Variants in C10orf67 observed in about 807,000 individuals in gnomAD.
C10orf67 encodes uncharacterized protein C10orf67, mitochondrial.
In C10orf67, 60 loss-of-function variants were observed where a neutral mutation model predicts 35.6. The ratio of observed to expected loss-of-function variants is 1.68; its 90% CI spans 1.37 to 2.09. The LOEUF (loss-of-function observed/expected upper bound fraction) is 2.09. Among genes scored for constraint, C10orf67 ranks in the 30% most tolerant of loss-of-function variants. C10orf67 has a pLI of 0.00. For synonymous variants in C10orf67, 167 were observed against 115.8 expected (o/e 1.44, Z -2.84); for missense variants, 474 against 330.2 (o/e 1.44, Z -3.38).
chr10:23,262,329 T>G (rs953424069), intron 10 of C10orf67, among the ~76,000 whole-genome samples: 2 of 120,778 alleles, frequency 1.7e-5, no homozygotes, highest in African/African-American at 6.4e-5. Flanking sequence ...CCCCAGCAAA[T>G]GGAATCAAGC....
chr10:23,266,087 A>G (rs4074209), intron 10 of C10orf67, among the ~76,000 whole-genome samples, 175 bp downstream of exon 10: 7,979 of 152,268 alleles, frequency 0.052, 299 homozygotes, highest in Non-Finnish European at 0.083. Context: ...CATCTTGGAA[A>G]AGTAAAGGAG....
chr10:23,339,182 C>T (rs1430444115), intron 1 of C10orf67, among the ~76,000 whole-genome samples: 1 of 152,104 alleles, frequency 6.6e-6, no homozygotes, highest in Non-Finnish European at 1.5e-5. Context: ...TTAGATGACA[C>T]TGATGACTGG....
At chr10:23,275,562 C>A (rs1198579246) in intron 8 of C10orf67, among the ~76,000 whole-genome samples, 1 of 151,580 alleles carries the variant, frequency 6.6e-6, no homozygotes, top group Non-Finnish European at 1.5e-5. Flanking sequence ...TGCAAGAGAT[C>A]ACTGCTGATT....
At chr10:23,246,426 G>A (rs1438196076) in intron 12 of C10orf67, among the ~76,000 whole-genome samples, 1 of 152,004 alleles carries the variant, frequency 6.6e-6, no homozygotes, top group African/African-American at 2.4e-5. Flanking sequence ...AGACATATGA[G>A]AAAAATTCAG....
intron 2 of C10orf67, among the ~76,000 whole-genome samples, chr10:23,331,632 G>A (rs995425399): frequency 1.4e-5 from 2 of 138,768 alleles, no homozygotes; most frequent in South Asian, 2.5e-4. Flanking sequence ...GGAGGGGAGG[G>A]GAGAAGGGAA....
At chr10:23,242,109 T>A (rs1243753784) in intron 12 of C10orf67, among the ~76,000 whole-genome samples, 1 of 152,088 alleles carries the variant, frequency 6.6e-6, no homozygotes, top group Non-Finnish European at 1.5e-5. Flanking sequence ...GTAGCTGGGA[T>A]TACAGGTGCC....
chr10:23,291,803 C>A (rs1453788135), intron 5 of C10orf67, among the ~76,000 whole-genome samples: 1 of 152,008 alleles, frequency 6.6e-6, no homozygotes, highest in Non-Finnish European at 1.5e-5. Flanking sequence ...GGCTGGGAGC[C>A]GCATGGAGTC....
At chr10:23,295,079 G>A (rs145536826) in intron 5 of C10orf67, among the ~76,000 whole-genome samples, 173 of 152,302 alleles carry the variant, frequency 1.1e-3, no homozygotes, top group African/African-American at 3.6e-3. Context: ...GAGCAGACAC[G>A]TATGCTTTGT....
chr10:23,323,762 A>G (rs1845049463), intron 2 of C10orf67, among the ~76,000 whole-genome samples: 2 of 149,514 alleles, frequency 1.3e-5, no homozygotes, highest in Admixed American at 1.3e-4. Flanking sequence ...AATACAAAAA[A>G]TTAGCCAAGT....
intron 2 of C10orf67, among the ~76,000 whole-genome samples, chr10:23,328,801 T>G (rs1845297530): frequency 6.7e-6 from 1 of 148,412 alleles, no homozygotes; most frequent in Admixed American, 6.7e-5. Context: ...CTGGGCAACA[T>G]AGTGAAACCC....
At chr10:23,260,369 C>T (rs988953539) in intron 10 of C10orf67, among the ~76,000 whole-genome samples, 6 of 151,752 alleles carry the variant, frequency 4.0e-5, no homozygotes, top group Non-Finnish European at 7.4e-5. Context: ...AATTCATTGC[C>T]GGCAGACCAA....
At chr10:23,320,676 C>T in intron 4 of C10orf67, 65 bp downstream of exon 4, 1 of 1,281,046 alleles carries the variant, frequency 7.8e-7, no homozygotes, top group Non-Finnish European at 1.1e-6. Flanking sequence ...GTGATCCCCA[C>T]TCCTTGCACA....
intron 1 of C10orf67, among the ~76,000 whole-genome samples, chr10:23,342,242 T>A (rs199737857): frequency 7.6e-5 from 9 of 118,688 alleles, no homozygotes; most frequent in East Asian, 4.8e-4. Flanking sequence ...ACACACACAC[T>A]CTCACACACT....
intron 9 of C10orf67, among the ~76,000 whole-genome samples, chr10:23,266,734 G>A (rs1000035128): frequency 6.6e-6 from 1 of 152,152 alleles, no homozygotes; most frequent in Middle Eastern, 3.4e-3. Flanking sequence ...GTGGCAGCTC[G>A]AGGCTTGTAT....
intron 2 of C10orf67, among the ~76,000 whole-genome samples, chr10:23,332,035 T>A (rs1412613546): frequency 6.6e-6 from 1 of 152,224 alleles, no homozygotes; most frequent in Non-Finnish European, 1.5e-5. Flanking sequence ...TCAAAATGAC[T>A]AATGCATACA....
intron 8 of C10orf67, 41 bp downstream of exon 8, chr10:23,281,972 C>A: frequency 1.8e-6 from 1 of 544,018 alleles, no homozygotes; most frequent in Non-Finnish European, 3.3e-6. Context: ...AATTAAATTC[C>A]TGAATTCAAA....
intron 15 of C10orf67, among the ~76,000 whole-genome samples, chr10:23,211,787 TG>T (rs1183721280): frequency 6.6e-6 from 1 of 152,024 alleles, no homozygotes; most frequent in African/African-American, 2.4e-5. Flanking sequence ...ATATTTTTGG[TG>T]GGGGAAGAAG....
In C10orf67 at chr10:23,214,790, A is replaced by G. The variant is rs113781632; in HGVS notation, c.1570+8808T>C. Among the ~76,000 whole-genome samples, 459 of 152,308 alleles carry G rather than the reference A, an allele frequency of 3.0e-3. 4 individuals carry two copies. The highest frequency in any genetic ancestry group is 0.011 in the African/African-American group (438 of 41,568). On this transcript the variant is annotated intron_variant, in intron 15 of 15. Transcript: ENST00000636213. ...TAATCCCCAGCACTTAGGGAGGCTA[A>G]GTTGGGCAGATCACTTGATGTCAGG...
chr10:23,240,807 G>A (rs1842160406), intron 12 of C10orf67, among the ~76,000 whole-genome samples: 1 of 152,230 alleles, frequency 6.6e-6, no homozygotes, highest in African/African-American at 2.4e-5. Context: ...GACCTGAGAA[G>A]GAGCCTCCCA....
Sources: allele counts gnomAD v4.1 joint callset (sites outside exome capture counted in the v4.1 genomes callset), GRCh38; gene constraint gnomAD v4.1.1; transcripts MANE v1.5; gene names NCBI Gene and HGNC (gene_info 2026-07-23, HGNC 2026-07-21).